Variants in SNW1 observed in about 807,000 individuals in gnomAD.
SNW1 encodes the protein SNW domain-containing protein 1.
Under a neutral mutation model 75.6 loss-of-function variants are expected in SNW1, and 9 were observed. The observed-to-expected ratio is 0.12, with a 90% CI of 0.07 to 0.21. SNW1 has a LOEUF of 0.21. Among genes scored for constraint, SNW1 ranks in the 10% least tolerant of loss-of-function variants. The pLI is 1.00. For missense variants in SNW1, 409 were observed against 670.9 expected (o/e 0.61, Z 4.31); for synonymous variants, 200 against 219.1 (o/e 0.91, Z 0.77).
rs988722968 is a variant in SNW1 at position 77,717,932 on chromosome 14, T to C, written c.*156A>G. 5.9e-5 allele frequency: 39 copies of C among 661,180 alleles called. No individual in the cohort carries two copies. Among genetic ancestry groups the C allele is most frequent in the Non-Finnish European group, 9.3e-5 (37 of 399,650 alleles). 41.0% of individuals were successfully genotyped at this position (661,180 alleles called of 1,614,324 possible). The stretch of plus-strand genomic sequence containing the variant: ...AAAACTAAATAATTCAAAGTAGAAT[T>C]TTCTATCCCCCCCATTTCTCCAGTA... On this transcript the variant is annotated 3_prime_UTR_variant, in exon 14 of 14. Transcript: ENST00000261531.
intron 1 of SNW1, 151 bp downstream of exon 1, chr14:77,760,962 AG>A: frequency 6.4e-7 from 1 of 1,560,230 alleles, no homozygotes; most frequent in Admixed American, 1.7e-5. Context: ...GCCTAGTCGT[AG>A]CGGCGGCCAG....
intron 5 of SNW1, 62 bp downstream of exon 5, chr14:77,738,716 C>G: frequency 8.1e-7 from 1 of 1,228,258 alleles, no homozygotes; most frequent in Non-Finnish European, 1.2e-6. Flanking sequence ...GAAAGAATAC[C>G]ATGACCCCCC....
chr14:77,744,867 G>T (rs1369774808), intron 3 of SNW1, among the ~76,000 whole-genome samples: 1 of 152,152 alleles, frequency 6.6e-6, no homozygotes, highest in African/African-American at 2.4e-5. Flanking sequence ...TCAAGTGAAG[G>T]CCTCCATGGT....
At position 77,723,162 on chromosome 14, in the gene SNW1, C is replaced by T. The variant is rs768827704; in HGVS notation, c.1130+19G>A. ...GCGCCCGGCCACCATGATTGGTACA[C>T]ATCTTAAATAACACCTACCTCTTAT... is the stretch of plus-strand genomic sequence containing the variant. On this transcript the variant is annotated intron_variant, in intron 11 of 13. Coordinates refer to ENST00000261531, the MANE Select transcript of SNW1 (RefSeq NM_012245.3). The T allele has an allele frequency of 3.8e-6, 6 of 1,597,214 alleles. No individual in the cohort carries two copies. Among genetic ancestry groups the T allele is most frequent in the East Asian group, 2.2e-5 (1 of 44,780 alleles).
At chr14:77,744,439 T>A in intron 3 of SNW1, among the ~76,000 whole-genome samples, 1 of 83,356 alleles carries the variant, frequency 1.2e-5, no homozygotes, top group Non-Finnish European at 2.1e-5. Flanking sequence ...AGAGCAAGTC[T>A]CCATCTCAAA....
At chr14:77,744,346 G>A (rs1265835998) in intron 3 of SNW1, among the ~76,000 whole-genome samples, 1 of 149,252 alleles carries the variant, frequency 6.7e-6, no homozygotes, top group Non-Finnish European at 1.5e-5. Context: ...TCCCAGCTAC[G>A]TGGGATGGTG....
chr14:77,753,650 A>G (rs1335732476), intron 2 of SNW1, among the ~76,000 whole-genome samples: 2 of 152,110 alleles, frequency 1.3e-5, no homozygotes, highest in African/African-American at 4.8e-5. Context: ...TTCCTCTTAT[A>G]AACTCTAATA....
rs760253627 is a variant in SNW1, at chr14:77,718,236, C to T, written c.1463G>A (p.Arg488Gln). The T allele has an allele frequency of 1.2e-5, 19 of 1,613,348 alleles. No individual in the cohort carries two copies. Among genetic ancestry groups the T allele is most frequent in the Non-Finnish European group, 1.6e-5 (19 of 1,179,620 alleles). The change falls in exon 14 of 14, where the codon CGA (arginine) becomes CAA (glutamine). Residue 488 changes from arginine (R) to glutamine (Q), a missense_variant. By Grantham distance (43) the Arg-to-Gln change is conservative. Transcript: ENST00000261531. ...FSGSDRRQRG[R>Q]EGPVQFEEDP... ...TTCCTCAAACTGCACTGGTCCTTCT[C>T]GGCCTCTCTGTCTACGGTCTGAACC...
At chr14:77,728,133 A>T (rs2080600347) in intron 10 of SNW1, among the ~76,000 whole-genome samples, 1 of 151,716 alleles carries the variant, frequency 6.6e-6, no homozygotes, top group Admixed American at 6.6e-5. Context: ...GCTTTTCTGT[A>T]TGTTTGAAAA....
At chr14:77,725,638 G>A (rs1166858525) in intron 10 of SNW1, among the ~76,000 whole-genome samples, 4 of 152,272 alleles carry the variant, frequency 2.6e-5, no homozygotes, top group Admixed American at 2.6e-4. Flanking sequence ...CCACGCATTG[G>A]CTGGGCATGG....
chr14:77,731,271 G>C (rs1845177228), intron 9 of SNW1, 142 bp from the exon 10 acceptor site: 4 of 920,130 alleles, frequency 4.3e-6, no homozygotes, highest in Non-Finnish European at 6.3e-6. Context: ...AAAGAGTCTT[G>C]TCCACTAAAA....
rs550786235 is a variant in SNW1 at position 77,761,110 on chromosome 14, C to T, written c.14+4G>A. Reference sequence around the variant, plus strand: ...CGTATCGAGGACCCCAATCAACAACCCACCTGGTGAGCGCCATCTTCTTCC... The same window carrying T: ...CGTATCGAGGACCCCAATCAACAACTCACCTGGTGAGCGCCATCTTCTTCC... On this transcript the variant is annotated splice_donor_region_variant and intron_variant, in intron 1 of 13. Transcript: ENST00000261531. 11 of 1,614,262 alleles carry T rather than the reference C, an allele frequency of 6.8e-6. No homozygotes were observed. Among genetic ancestry groups the T allele is most frequent in the African/African-American group, 1.3e-5 (1 of 75,078 alleles).
At chr14:77,757,318 C>T (rs1369835165) in intron 1 of SNW1, among the ~76,000 whole-genome samples, 1 of 152,118 alleles carries the variant, frequency 6.6e-6, no homozygotes, top group Non-Finnish European at 1.5e-5. Flanking sequence ...TGAGAGGGAT[C>T]TAATCCAGTC....
intron 2 of SNW1, among the ~76,000 whole-genome samples, chr14:77,752,646 A>T (rs2080817359): frequency 6.6e-6 from 1 of 152,200 alleles, no homozygotes; most frequent in Non-Finnish European, 1.5e-5. Context: ...TGTATTTTCT[A>T]CTACTATGAA....
Position 77,734,935 on chromosome 14 carries a change from CA to C in SNW1, c.774+11del. The C allele has an allele frequency of 6.3e-7, 1 of 1,586,734 alleles. No homozygotes were observed. Among genetic ancestry groups the C allele is most frequent in the Non-Finnish European group, 8.7e-7 (1 of 1,155,820 alleles). On this transcript the variant is annotated intron_variant, in intron 8 of 13. Transcript: ENST00000261531. Reference sequence around the variant, plus strand: ...GTTATACTAATAGAGACTGATTTGACAACTTAATTACCTTTGCATTTTTCCA... The same window carrying C: ...GTTATACTAATAGAGACTGATTTGACACTTAATTACCTTTGCATTTTTCCA...
At chr14:77,753,564 C>A (rs183838392) in intron 2 of SNW1, among the ~76,000 whole-genome samples, 1 of 152,202 alleles carries the variant, frequency 6.6e-6, no homozygotes, top group Non-Finnish European at 1.5e-5. Context: ...CAGAGGAAAG[C>A]TGACAAAAAA....
At chr14:77,737,957 ATT>A (rs1428339389) in intron 5 of SNW1, among the ~76,000 whole-genome samples, 1 of 128,582 alleles carries the variant, frequency 7.8e-6, no homozygotes, top group African/African-American at 3.0e-5. Flanking sequence ...GTGCCACTGC[ATT>A]CCAGCCTGGG....
chr14:77,757,927 T>TATCTATCC (rs1299073345), intron 1 of SNW1, among the ~76,000 whole-genome samples: 1 of 122,388 alleles, frequency 8.2e-6, no homozygotes, highest in Non-Finnish European at 1.7e-5. Flanking sequence ...ATCATCTATC[T>TATCTATCC]ATCTATCTAT....
chr14:77,758,061 G>A (rs146851776), intron 1 of SNW1, among the ~76,000 whole-genome samples: 4 of 152,018 alleles, frequency 2.6e-5, no homozygotes, highest in Non-Finnish European at 2.9e-5. Context: ...TGGGCGAGGT[G>A]GCTCACACCT....
Sources: gnomAD v4.1 joint callset for allele counts (sites outside exome capture counted in the v4.1 genomes callset) on GRCh38, gnomAD v4.1.1 for gene constraint, MANE v1.5 for transcripts, NCBI Gene and HGNC (gene_info 2026-07-23, HGNC 2026-07-21) for gene names.